RBPMS: variants seen among roughly 807,000 people sequenced by gnomAD.
The protein encoded by RBPMS is RNA-binding protein with multiple splicing.
Under a neutral mutation model 26.8 loss-of-function variants are expected in RBPMS, and 7 were observed. That is an observed-to-expected ratio of 0.26 (90% CI 0.15 to 0.49). RBPMS has a LOEUF of 0.49. RBPMS is among the 20% of genes least tolerant of loss of function. The probability of loss-of-function intolerance (pLI) is 0.98; values close to 1 mark genes in which losing one functional copy is unlikely to be tolerated. For synonymous variants in RBPMS, 96 were observed against 93.3 expected (o/e 1.03, Z -0.17); for missense variants, 186 against 250.0 (o/e 0.74, Z 1.73).
chr8:30,511,476 A>ATATATATATATATAT (rs1821602788), intron 5 of RBPMS, among the ~76,000 whole-genome samples: 1 of 5,092 alleles, frequency 2.0e-4, no homozygotes, highest in African/African-American at 5.3e-4. Flanking sequence ...AAAAAGAAAA[A>ATATATATATATATAT]AAAAAAAAAA....
intron 1 of RBPMS, among the ~76,000 whole-genome samples, chr8:30,438,484 C>T (rs560329834): frequency 6.6e-6 from 1 of 152,274 alleles, no homozygotes; most frequent in Non-Finnish European, 1.5e-5. Context: ...TTTGCTCAAG[C>T]AAAAGCTTAA....
At chr8:30,443,099 A>G (rs939296052) in intron 1 of RBPMS, among the ~76,000 whole-genome samples, 2 of 152,214 alleles carry the variant, frequency 1.3e-5, no homozygotes, top group Non-Finnish European at 2.9e-5. Context: ...CCGTACGGAA[A>G]GCAGTTGTGA....
At chr8:30,495,318 A>G (rs1222756915) in intron 4 of RBPMS, among the ~76,000 whole-genome samples, 1 of 151,898 alleles carries the variant, frequency 6.6e-6, no homozygotes, top group Non-Finnish European at 1.5e-5. Context: ...GTTAAAAATC[A>G]AAACTGACTT....
intron 1 of RBPMS, among the ~76,000 whole-genome samples, chr8:30,419,989 A>G (rs2150616157): frequency 6.6e-6 from 1 of 152,208 alleles, no homozygotes; most frequent in South Asian, 2.1e-4. Flanking sequence ...CTTTGAGAGG[A>G]CGACATGCAT....
intron 8 of RBPMS, among the ~76,000 whole-genome samples, chr8:30,568,693 C>T (rs1828061907): frequency 6.6e-6 from 1 of 152,176 alleles, no homozygotes; most frequent in Admixed American, 6.5e-5. Context: ...CAACCCTGAC[C>T]CCGCCATCCA....
intron 5 of RBPMS, among the ~76,000 whole-genome samples, chr8:30,529,986 C>T (rs1824041212): frequency 6.6e-6 from 1 of 152,090 alleles, no homozygotes. Flanking sequence ...AACTCCTGAC[C>T]TCAGGTAATC....
intron 5 of RBPMS, among the ~76,000 whole-genome samples, chr8:30,529,952 A>G (rs1459538259): frequency 4.6e-5 from 7 of 151,890 alleles, no homozygotes; most frequent in African/African-American, 1.7e-4. Flanking sequence ...ACAGGGTTTC[A>G]CCGTGTTGCC....
In RBPMS at chr8:30,565,613, C is replaced by T. The variant is rs184555701; in HGVS notation, c.*8-644C>T. The T allele has an allele frequency of 5.9e-5, 9 of 152,350 alleles. No homozygotes were observed. In the East Asian group the frequency reaches 1.5e-3, roughly 26 times the overall value. 9.4% of individuals were successfully genotyped at this position (152,350 alleles called of 1,614,324 possible). On this transcript the variant is annotated intron_variant, in intron 7 of 8. Coordinates refer to ENST00000397323, the MANE Select transcript of RBPMS (RefSeq NM_001008710.3). ...CTGATTCTTTGCTAGGTCTTTGCACCTTCGTATTTCAAAATTCTCAGACCC... is the reference window on the plus strand; with the variant it reads ...CTGATTCTTTGCTAGGTCTTTGCACTTTCGTATTTCAAAATTCTCAGACCC...
intron 5 of RBPMS, among the ~76,000 whole-genome samples, chr8:30,520,943 A>G (rs1315794368): frequency 6.6e-6 from 1 of 152,206 alleles, no homozygotes; most frequent in African/African-American, 2.4e-5. Flanking sequence ...TCAGCAGAAC[A>G]TGAAATTAAG....
At chr8:30,511,847 A>G (rs1359896783) in intron 5 of RBPMS, among the ~76,000 whole-genome samples, 1 of 152,070 alleles carries the variant, frequency 6.6e-6, no homozygotes, top group Non-Finnish European at 1.5e-5. Context: ...GCTTCAGTAT[A>G]ATTCAGTAGC....
At chr8:30,385,479 G>A (rs1306660054) in intron 1 of RBPMS, 2 of 252,876 alleles carry the variant, frequency 7.9e-6, no homozygotes, top group Non-Finnish European at 1.5e-5. Flanking sequence ...TCGGGACTCG[G>A]AGGGTCAGGA....
chr8:30,561,651 G>A (rs1249387365), intron 7 of RBPMS, among the ~76,000 whole-genome samples: 1 of 152,206 alleles, frequency 6.6e-6, no homozygotes, highest in African/African-American at 2.4e-5. Flanking sequence ...AGCCCCCAGA[G>A]AGTGGAGAGC....
At chr8:30,560,356 G>A (rs2151086346) in intron 7 of RBPMS, among the ~76,000 whole-genome samples, 1 of 152,268 alleles carries the variant, frequency 6.6e-6, no homozygotes. Flanking sequence ...GGTCTCAGCA[G>A]ACAGTAGAGA....
chr8:30,389,802 A>G (rs1807570691), intron 1 of RBPMS, among the ~76,000 whole-genome samples: 1 of 152,096 alleles, frequency 6.6e-6, no homozygotes, highest in East Asian at 1.9e-4. Flanking sequence ...AATATGTATT[A>G]TATATAAATT....
intron 1 of RBPMS, among the ~76,000 whole-genome samples, chr8:30,416,398 C>T (rs904807731): frequency 1.3e-5 from 2 of 151,904 alleles, no homozygotes; most frequent in African/African-American, 2.4e-5. Flanking sequence ...GTGGTGTGAT[C>T]TCTGCCCACT....
At chr8:30,497,640 G>A (rs757943807) in intron 4 of RBPMS, among the ~76,000 whole-genome samples, 2 of 151,938 alleles carry the variant, frequency 1.3e-5, no homozygotes, top group Non-Finnish European at 2.9e-5. Flanking sequence ...TGTTTGAGAT[G>A]GAGTCTTGCT....
At chr8:30,425,885 A>G (rs977261876) in intron 1 of RBPMS, among the ~76,000 whole-genome samples, 4 of 152,126 alleles carry the variant, frequency 2.6e-5, no homozygotes, top group African/African-American at 9.7e-5. Flanking sequence ...AGAGAGGGAA[A>G]TTAACTTGCC....
intron 1 of RBPMS, among the ~76,000 whole-genome samples, chr8:30,460,629 G>A (rs1443099150): frequency 2.0e-5 from 3 of 152,154 alleles, no homozygotes. Flanking sequence ...TATTAAAGGA[G>A]ACTATAGCTA....
intron 1 of RBPMS, among the ~76,000 whole-genome samples, chr8:30,407,988 G>A (rs776824829): frequency 6.6e-6 from 1 of 151,842 alleles, no homozygotes; most frequent in Non-Finnish European, 1.5e-5. Context: ...AGAAGAGCTT[G>A]CAACACAGGA....
Sources: gnomAD v4.1 joint callset for allele counts (sites outside exome capture counted in the v4.1 genomes callset) on GRCh38, gnomAD v4.1.1 for gene constraint, MANE v1.5 for transcripts, NCBI Gene and HGNC (gene_info 2026-07-23, HGNC 2026-07-21) for gene names.